Variants in PLOD3 observed in about 807,000 individuals in gnomAD.
PLOD3 encodes the protein multifunctional procollagen lysine hydroxylase and glycosyltransferase LH3.
In PLOD3, 73 loss-of-function variants were observed where a neutral mutation model predicts 96.9. That is an observed-to-expected ratio of 0.75 (90% CI 0.62 to 0.92). PLOD3 has a LOEUF of 0.92. PLOD3 is among the 40% of genes least tolerant of loss of function. The probability of loss-of-function intolerance (pLI) is 0.00; values close to 1 mark genes in which losing one functional copy is unlikely to be tolerated. For synonymous variants in PLOD3, 454 were observed against 413.7 expected, an observed-to-expected ratio of 1.10 and a Z score of -1.18; for missense variants, 1,004 against 1,004.3, an observed-to-expected ratio of 1.00 and a Z score of 0.00.
rs1363743323 is a variant in PLOD3 at position 101,212,615 on chromosome 7, G to A, written c.920C>T (p.Pro307Leu). Residue 307 changes from proline (P) to leucine (L), a missense_variant, in exon 9 of 19, where the codon CCT (proline) becomes CTT (leucine). This residue lies in a region of PLOD3 where 690 missense variants were observed against 650.2 expected (regional missense o/e 1.06). Coordinates refer to ENST00000223127, the MANE Select transcript of PLOD3 (RefSeq NM_001084.5). ...CAGGAAGCGGGGCAGAAACGGAGTA[G>A]GCTGTTCCACAAACACGGCCAGAAA... ...RVFLAVFVEQPTPFLPRFLQR... is the reference protein window; with the variant it reads ...RVFLAVFVEQLTPFLPRFLQR... 2 of 1,613,922 alleles carry A rather than the reference G, an allele frequency of 1.2e-6. No individual in the cohort carries two copies. Among genetic ancestry groups the A allele is most frequent in the Admixed American group, 1.7e-5 (1 of 59,992 alleles).
rs746300512 is a variant in PLOD3, at chr7:101,208,955, T to C, written c.1686A>G (p.Pro562=). ...ALEGEGIVEQ[P]CPDVYWFPLL... Reference sequence around the variant, plus strand: ...GTGGGAACCAGTACACGTCCGGGCATGGCTGAGGATGGGGCGAGGGAGAAC... The same window carrying C: ...GTGGGAACCAGTACACGTCCGGGCACGGCTGAGGATGGGGCGAGGGAGAAC... Residue 562 remains proline, a splice_region_variant and synonymous_variant, in exon 16 of 19, where the codon CCA becomes CCG. Coordinates refer to ENST00000223127, the MANE Select transcript of PLOD3 (RefSeq NM_001084.5). The C allele has an allele frequency of 7.5e-6, 12 of 1,607,850 alleles. No individual in the cohort carries two copies. The highest frequency in any genetic ancestry group is 2.7e-5 in the African/African-American group (2 of 74,792).
At chr7:101,217,128 T>A (rs1431101396) in intron 1 of PLOD3, 38 bp downstream of exon 1, 1 of 1,441,710 alleles carries the variant, frequency 6.9e-7, no homozygotes, top group African/African-American at 1.4e-5. Context: ...CGCCAGCCTC[T>A]GCCCCCTCGG....
intron 6 of PLOD3, 139 bp downstream of exon 6, chr7:101,214,950 A>T: frequency 1.3e-6 from 1 of 767,258 alleles, no homozygotes; most frequent in Non-Finnish European, 2.4e-6. Context: ...CAACTTACAC[A>T]ACCAGCCACT....
At chr7:101,206,707 A>G in intron 18 of PLOD3, 72 bp downstream of exon 18, 2 of 1,504,086 alleles carry the variant, frequency 1.3e-6, no homozygotes, top group South Asian at 2.4e-5. Context: ...TGGGGGATGC[A>G]CGCAGGGGCT....
In PLOD3 at chr7:101,210,392, G is replaced by A; in HGVS notation, c.1553C>T (p.Thr518Ile). 6.2e-7 allele frequency: 1 copy of A among 1,614,206 alleles called. No homozygotes were observed. Among genetic ancestry groups the A allele is most frequent in the Middle Eastern group, 1.6e-4 (1 of 6,062 alleles). ...NQHEFGRLLA[T>I]SRYDTEHLHP... ...CAGGTGCTCCGTGTCGTATCTGGAA[G>A]TGGCCAGGAGCCGGCCAAATTCATG... is the stretch of plus-strand genomic sequence containing the variant. Residue 518 changes from threonine to isoleucine, a missense_variant, in exon 14 of 19, where the codon ACT becomes ATT. Around this residue, in one of 5 missense-constraint regions of PLOD3, gnomAD observed 65 missense variants for 68.8 expected, o/e 0.94. Transcript: ENST00000223127.
intron 16 of PLOD3, chr7:101,208,455 G>C: frequency 3.0e-6 from 1 of 337,566 alleles, no homozygotes; most frequent in South Asian, 2.4e-5. Context: ...TGGTCAGGCT[G>C]GTCTCGAACT....
rs147711395 is a variant in PLOD3, at chr7:101,206,326, C to T, written c.2172G>A (p.Thr724=). 16 of 1,613,882 alleles carry T rather than the reference C, an allele frequency of 9.9e-6. No individual in the cohort carries two copies. Among genetic ancestry groups the T allele is most frequent in the African/African-American group, 6.7e-5 (5 of 74,922 alleles). The stretch of plus-strand genomic sequence containing the variant: ...CCATGATGTAGCGTGTGCCCCAGGT[C>T]GTTGGCAGCCCCTCGTGGTAGTGGG... ...RLTHYHEGLP[T]TWGTRYIMVS... is the part of the protein sequence containing the mutation. Residue 724 remains threonine, a synonymous_variant, in exon 19 of 19, where the codon ACG becomes ACA. Coordinates refer to ENST00000223127, the MANE Select transcript of PLOD3 (RefSeq NM_001084.5).
chr7:101,216,360 A>C, intron 3 of PLOD3, 34 bp from the exon 4 acceptor site: 1 of 1,613,638 alleles, frequency 6.2e-7, no homozygotes, highest in East Asian at 2.2e-5. Context: ...GCAGGGGTCC[A>C]CTGGGAACCT....
intron 6 of PLOD3, among the ~76,000 whole-genome samples, chr7:101,214,659 G>A (rs1798240043): frequency 6.6e-6 from 1 of 152,146 alleles, no homozygotes; most frequent in Admixed American, 6.5e-5. Context: ...CCACCATGGT[G>A]AAACCCTGTC....
At chr7:101,212,042 G>T in intron 10 of PLOD3, 92 bp from the exon 11 acceptor site, 2 of 1,043,464 alleles carry the variant, frequency 1.9e-6, no homozygotes, top group Non-Finnish European at 1.4e-6. Flanking sequence ...GAGGAGGGAG[G>T]CAGTGTCTAT....
Position 101,207,674 on chromosome 7 carries a change from G to A in PLOD3, c.1839C>T (p.His613=), listed in dbSNP as rs759803952. Residue 613 remains histidine, a synonymous_variant, in exon 17 of 19, where the codon CAC becomes CAT. Coordinates refer to ENST00000223127, the MANE Select transcript of PLOD3 (RefSeq NM_001084.5). ...GYENVPTVDI[H]MKQVGYEDQW... ...GGTCCTCGTACCCCACCTGCTTCATGTGGATGTCCACGGTGGGCACATTCT... is the reference window on the plus strand; with the variant it reads ...GGTCCTCGTACCCCACCTGCTTCATATGGATGTCCACGGTGGGCACATTCT... 6.2e-7 allele frequency: 1 copy of A among 1,613,940 alleles called. No homozygotes were observed. Among genetic ancestry groups the A allele is most frequent in the Admixed American group, 1.7e-5 (1 of 59,998 alleles).
At chr7:101,209,261 C>T (rs1430722979) in intron 15 of PLOD3, among the ~76,000 whole-genome samples, 1 of 151,552 alleles carries the variant, frequency 6.6e-6, no homozygotes, top group Non-Finnish European at 1.5e-5. Flanking sequence ...GGCTGGAGTG[C>T]AGTGGCACAA....
Position 101,215,148 on chromosome 7 carries a change from T to G in PLOD3, c.620A>C (p.Lys207Thr), listed in dbSNP as rs1208519410. The change falls in exon 6 of 19, where the codon AAA becomes ACA. Residue 207 changes from lysine to threonine, a missense_variant. Coordinates refer to ENST00000223127, the MANE Select transcript of PLOD3 (RefSeq NM_001084.5). The part of the protein sequence containing the change: ...RLYLDPGLRE[K>T]LSLNLDHKSR... ...CTTATGATCCAGATTAAGGCTGAGTTTCTCCTAAATGGAATGAGATGCGAT... is the reference window on the plus strand; with the variant it reads ...CTTATGATCCAGATTAAGGCTGAGTGTCTCCTAAATGGAATGAGATGCGAT... The G allele has an allele frequency of 6.2e-7, 1 of 1,609,042 alleles. No individual in the cohort carries two copies. Among genetic ancestry groups the G allele is most frequent in the South Asian group, 1.1e-5 (1 of 90,968 alleles).
At chr7:101,212,504 G>A (rs1389655236) in intron 9 of PLOD3, 26 bp downstream of exon 9, 2 of 1,612,742 alleles carry the variant, frequency 1.2e-6, no homozygotes, top group African/African-American at 1.3e-5. Flanking sequence ...GGTCCCTCAG[G>A]AGAGGCTCCA....
intron 1 of PLOD3, 150 bp downstream of exon 1, chr7:101,217,016 G>A: frequency 1.1e-6 from 1 of 932,548 alleles, no homozygotes; most frequent in Non-Finnish European, 1.6e-6. Context: ...GTAGTGATGG[G>A]CGAGGGGCTT....
At position 101,212,890 on chromosome 7, in the gene PLOD3, T is replaced by C; in HGVS notation, c.831A>G (p.Gly277=). ...NYVPNGWTPE[G]GCGFCNQDRR... is the part of the protein sequence containing the mutation. ...GGTCCTGGTTGCAGAAGCCACAGCC[T>C]CCCTCAGGAGTCCAGCCATTGGGGA... Residue 277 remains glycine, a synonymous_variant, in exon 8 of 19, where the codon GGA becomes GGG. Transcript: ENST00000223127. 1 of 1,613,684 alleles carries C rather than the reference T, an allele frequency of 6.2e-7. No individual in the cohort carries two copies. Among genetic ancestry groups the C allele is most frequent in the Non-Finnish European group, 8.5e-7 (1 of 1,179,784 alleles).
chr7:101,206,793 C>G lies in PLOD3; in HGVS notation c.2047G>C (p.Gly683Arg). 1 of 1,583,664 alleles carries G rather than the reference C, an allele frequency of 6.3e-7. No individual in the cohort carries two copies. The highest frequency in any genetic ancestry group is 1.2e-5 in the South Asian group (1 of 86,530). The change falls in exon 18 of 19, where the codon GGC becomes CGC. Residue 683 changes from glycine (G) to arginine (R), a missense_variant. By Grantham distance (125) the Gly-to-Arg change is moderately radical. Coordinates refer to ENST00000223127, the MANE Select transcript of PLOD3 (RefSeq NM_001084.5). ...CTGGGGCGCACCTCATAGTCCAGGCCCTTGTGGTTGAGGGCAACGTTGAGG... is the reference window on the plus strand; with the variant it reads ...CTGGGGCGCACCTCATAGTCCAGGCGCTTGTGGTTGAGGGCAACGTTGAGG... ...FTLNVALNHK[G>R]LDYEGGGCRF...
intron 12 of PLOD3, 115 bp downstream of exon 12, chr7:101,211,476 C>G: frequency 2.7e-6 from 3 of 1,111,184 alleles, no homozygotes; most frequent in Non-Finnish European, 3.8e-6. Context: ...CCACTGCAGC[C>G]AGCCTCATGG....
Position 101,211,601 on chromosome 7 carries a change from G to A in PLOD3, c.1348C>T (p.Arg450Trp), listed in dbSNP as rs766150931. 1.0e-5 allele frequency: 16 copies of A among 1,600,908 alleles called. No homozygotes were observed. Among genetic ancestry groups the A allele is most frequent in the African/African-American group, 8.0e-5 (6 of 74,820 alleles). Residue 450 changes from arginine (R) to tryptophan (W), a missense_variant, in exon 12 of 19, where the codon CGG becomes TGG. Coordinates refer to ENST00000223127, the MANE Select transcript of PLOD3 (RefSeq NM_001084.5). ...GCTGGCGGGACTCACACTCGCTTCC[G>A]CTGCACCAGCTCCACGTAGTCCTCG... ...RSEDYVELVQ[R>W]KRVGVWNVPY...
Sources: allele counts gnomAD v4.1 joint callset (sites outside exome capture counted in the v4.1 genomes callset), GRCh38; gene constraint gnomAD v4.1.1; regional missense constraint gnomAD v4.1.1; transcripts MANE v1.5; gene names NCBI Gene and HGNC (gene_info 2026-07-23, HGNC 2026-07-21).